ZNF705A: variants seen among roughly 807,000 people sequenced by gnomAD.
ZNF705A encodes the protein zinc finger protein 705A.
A neutral mutation model predicts 16.6 loss-of-function variants in ZNF705A; 8 were observed. The ratio of observed to expected loss-of-function variants is 0.48; its 90% CI spans 0.28 to 0.87. The LOEUF (loss-of-function observed/expected upper bound fraction) is 0.87. Ranked by LOEUF, ZNF705A falls within the 40% of genes least tolerant of loss-of-function variation. The probability of loss-of-function intolerance (pLI) is 0.10; values close to 1 mark genes in which losing one functional copy is unlikely to be tolerated. For missense variants in ZNF705A, 233 were observed against 359.9 expected (o/e 0.65, Z 2.85); for synonymous variants, 73 against 117.3 (o/e 0.62, Z 2.44).
chr12:8,177,629 T>C (rs1475222203), exon 5 of ZNF705A: 1 of 1,589,058 alleles, frequency 6.3e-7, no homozygotes, highest in Non-Finnish European at 8.6e-7. Context: ...ATGCCATTTA[T>C]GTGGGAAAGC....
At chr12:8,171,283 T>C (rs758700299), upstream of ZNF705A, among the ~76,000 whole-genome samples, 1 of 152,200 alleles carries the variant, frequency 6.6e-6, no homozygotes, top group African/African-American at 2.4e-5. Context: ...GTACATAAAA[T>C]GTATTTAATT....
At chr12:8,171,768 GCT>G (rs1482239754), upstream of ZNF705A, among the ~76,000 whole-genome samples, 1 of 151,912 alleles carries the variant, frequency 6.6e-6, no homozygotes, top group African/African-American at 2.4e-5. Context: ...ACAGAGTCTC[GCT>G]CTGTCACCCT....
upstream of ZNF705A, among the ~76,000 whole-genome samples, chr12:8,169,200 C>T (rs1948424251): frequency 6.6e-6 from 1 of 152,104 alleles, no homozygotes; most frequent in South Asian, 2.1e-4. Flanking sequence ...ATGCAGTGTT[C>T]ATTATGCACT....
intron 1 of ZNF705A, among the ~76,000 whole-genome samples, chr12:8,158,735 G>A (rs1948329511): frequency 6.6e-6 from 1 of 151,726 alleles, no homozygotes; most frequent in African/African-American, 2.4e-5. Context: ...AATGTCTTGG[G>A]TTTTTCTTTA....
chr12:8,177,360 C>A, exon 5 of ZNF705A: 2 of 1,611,928 alleles, frequency 1.2e-6, no homozygotes, highest in Non-Finnish European at 1.7e-6. Flanking sequence ...GGAGAGAGAC[C>A]ATATAAGTGT....
At chr12:8,157,317 G>A (rs2120690843) in intron 1 of ZNF705A, among the ~76,000 whole-genome samples, 1 of 152,162 alleles carries the variant, frequency 6.6e-6, no homozygotes, top group East Asian at 1.9e-4. Context: ...CTTTATTACT[G>A]GTAAAGCTGT....
chr12:8,164,749 G>A (rs1948383888), intron 1 of ZNF705A, among the ~76,000 whole-genome samples: 1 of 152,110 alleles, frequency 6.6e-6, no homozygotes, highest in Non-Finnish European at 1.5e-5. Flanking sequence ...TGGACATTTG[G>A]GTTGATTCCA....
chr12:8,170,196 C>CAAAAAA (rs1188328005), upstream of ZNF705A, among the ~76,000 whole-genome samples: 377 of 126,532 alleles, frequency 3.0e-3, 42 homozygotes, highest in African/African-American at 0.013. Context: ...CCCCCCCCCC[C>CAAAAAA]AAAAAAAAAA....
At chr12:8,179,008 CAG>C (rs1229983778) in exon 5 of ZNF705A, 1 of 152,202 alleles carries the variant, frequency 6.6e-6, no homozygotes, top group African/African-American at 2.4e-5. Context: ...CTAGATTTCT[CAG>C]TGTGTCATTG....
At chr12:8,161,535 T>C (rs541696901) in intron 1 of ZNF705A, among the ~76,000 whole-genome samples, 1 of 152,270 alleles carries the variant, frequency 6.6e-6, no homozygotes, top group African/African-American at 2.4e-5. Context: ...GAGGGTTGTA[T>C]TTTTCTAGGA....
intron 1 of ZNF705A, among the ~76,000 whole-genome samples, chr12:8,158,051 G>A (rs897153370): frequency 2.6e-5 from 4 of 152,094 alleles, no homozygotes; most frequent in Non-Finnish European, 5.9e-5. Flanking sequence ...GGATTATAGT[G>A]TCCAGTGTGA....
At chr12:8,174,934 C>G (rs776795695) in intron 2 of ZNF705A, among the ~76,000 whole-genome samples, 1 of 152,086 alleles carries the variant, frequency 6.6e-6, no homozygotes, top group Non-Finnish European at 1.5e-5. Context: ...TAATTACTCT[C>G]TTTCTGAAAA....
chr12:8,173,252 T>A (rs1251523514), intron 1 of ZNF705A, among the ~76,000 whole-genome samples: 1 of 152,256 alleles, frequency 6.6e-6, no homozygotes, highest in Non-Finnish European at 1.5e-5. Flanking sequence ...TCATTATTAT[T>A]CTTATCCCCA....
chr12:8,161,171 G>A (rs1948351697), intron 1 of ZNF705A, among the ~76,000 whole-genome samples: 1 of 152,198 alleles, frequency 6.6e-6, no homozygotes, highest in Admixed American at 6.5e-5. Context: ...TCTCTGGTAT[G>A]AAACCCATTT....
At chr12:8,157,858 G>T (rs1265480094) in intron 1 of ZNF705A, among the ~76,000 whole-genome samples, 1 of 152,092 alleles carries the variant, frequency 6.6e-6, no homozygotes, top group Non-Finnish European at 1.5e-5. Context: ...CAGAAGCCAG[G>T]AAGAACAGAC....
At chr12:8,166,631 G>A (rs1201347741) in intron 1 of ZNF705A, among the ~76,000 whole-genome samples, 1 of 152,232 alleles carries the variant, frequency 6.6e-6, no homozygotes, top group Non-Finnish European at 1.5e-5. Context: ...CCAGTCTCAG[G>A]TATATGTTTA....
At chr12:8,175,749 T>G (rs1195151143) in intron 3 of ZNF705A, 111 bp from the exon 5 acceptor site, 1 of 1,476,770 alleles carries the variant, frequency 6.8e-7, no homozygotes, top group African/African-American at 1.4e-5. Flanking sequence ...TTTGACACAC[T>G]TGCCACATCT....
intron 1 of ZNF705A, among the ~76,000 whole-genome samples, chr12:8,166,716 C>A (rs1244588236): frequency 1.3e-5 from 2 of 152,180 alleles, no homozygotes; most frequent in South Asian, 2.1e-4. Flanking sequence ...TTGTGGCTTG[C>A]GCCCTCTAAA....
At chr12:8,169,928 G>A (rs1375836631), upstream of ZNF705A, among the ~76,000 whole-genome samples, 2 of 152,132 alleles carry the variant, frequency 1.3e-5, no homozygotes, top group Non-Finnish European at 2.9e-5. Context: ...GGTGGCTCAC[G>A]CCTGTAATCC....
Sources: gnomAD v4.1 joint callset for allele counts (sites outside exome capture counted in the v4.1 genomes callset) on GRCh38, gnomAD v4.1.1 for gene constraint, MANE v1.5 for transcripts, NCBI Gene and HGNC (gene_info 2026-07-23, HGNC 2026-07-21) for gene names.